The following DHRSX variants were observed in gnomAD, a reference collection of about 807,000 sequenced individuals.
DHRSX encodes the protein polyprenol dehydrogenase.
Under a neutral mutation model 34.0 loss-of-function variants are expected in DHRSX, and 31 were observed. The ratio of observed to expected loss-of-function variants is 0.91; its 90% CI spans 0.69 to 1.23. DHRSX has a LOEUF of 1.23. DHRSX is among the 50% of genes most tolerant of loss of function. The probability of loss-of-function intolerance (pLI) is 0.00; values close to 1 mark genes in which losing one functional copy is unlikely to be tolerated. For missense variants in DHRSX, 414 were observed against 428.1 expected (o/e 0.97, Z 0.29); for synonymous variants, 201 against 183.8 (o/e 1.09, Z -0.76).
At chrX:2,285,633 G>T (rs1443336004) in intron 4 of DHRSX, among the ~76,000 whole-genome samples, 1 of 152,118 alleles carries the variant, frequency 6.6e-6, no homozygotes, top group African/African-American at 2.4e-5. Context: ...TGACCTGGGG[G>T]TTGGACAGCC....
intron 1 of DHRSX, among the ~76,000 whole-genome samples, chrX:2,447,445 G>C (rs1220619552): frequency 6.6e-6 from 1 of 152,166 alleles, no homozygotes; most frequent in East Asian, 1.9e-4. Flanking sequence ...CTTGTACACA[G>C]TAAAGACATT....
At chrX:2,403,175 T>C (rs1346114238) in intron 3 of DHRSX, among the ~76,000 whole-genome samples, 1 of 152,148 alleles carries the variant, frequency 6.6e-6, no homozygotes, top group Non-Finnish European at 1.5e-5. Flanking sequence ...AGCCACCATG[T>C]CCAGCAACTT....
intron 1 of DHRSX, among the ~76,000 whole-genome samples, chrX:2,482,129 CTTT>C (rs1356975147): frequency 1.5e-5 from 2 of 129,820 alleles, no homozygotes; most frequent in Admixed American, 7.8e-5. Context: ...CCACGTCTGG[CTTT>C]TTTTTTTTTT....
intron 3 of DHRSX, among the ~76,000 whole-genome samples, chrX:2,360,625 G>C (rs2042921988): frequency 1.3e-5 from 2 of 151,420 alleles, no homozygotes; most frequent in African/African-American, 4.9e-5. Context: ...CCATTTCTTG[G>C]GTATCAACAT....
intron 3 of DHRSX, among the ~76,000 whole-genome samples, chrX:2,301,248 A>G (rs1361878222): frequency 6.6e-6 from 1 of 152,200 alleles, no homozygotes; most frequent in Non-Finnish European, 1.5e-5. Flanking sequence ...CCCTGTCTCT[A>G]CTAAAAATAT....
At chrX:2,480,997 G>C (rs1396385675) in intron 1 of DHRSX, among the ~76,000 whole-genome samples, 1 of 152,142 alleles carries the variant, frequency 6.6e-6, no homozygotes, top group East Asian at 1.9e-4. Flanking sequence ...ATATAGGTCA[G>C]AGTTAGGATT....
chrX:2,421,445 A>G (rs938977060), intron 2 of DHRSX, among the ~76,000 whole-genome samples: 1 of 152,190 alleles, frequency 6.6e-6, no homozygotes, highest in African/African-American at 2.4e-5. Flanking sequence ...CATGTTTTGC[A>G]AAAGCCAAAA....
intron 3 of DHRSX, among the ~76,000 whole-genome samples, chrX:2,360,332 C>T (rs764826154): frequency 6.6e-6 from 1 of 152,308 alleles, no homozygotes; most frequent in South Asian, 2.1e-4. Context: ...CGCCTGTAAT[C>T]CCAGCACTTT....
intron 1 of DHRSX, among the ~76,000 whole-genome samples, chrX:2,480,100 G>A (rs2044746756): frequency 6.6e-6 from 1 of 152,140 alleles, no homozygotes; most frequent in South Asian, 2.1e-4. Context: ...CAGTTTCCAA[G>A]ATATAGAATC....
chrX:2,431,724 A>C (rs1020875981), intron 1 of DHRSX, among the ~76,000 whole-genome samples: 3 of 152,172 alleles, frequency 2.0e-5, no homozygotes, highest in Non-Finnish European at 2.9e-5. Flanking sequence ...ATGGACATAA[A>C]GATGGGAACA....
At chrX:2,381,328 A>C (rs749235328) in intron 3 of DHRSX, among the ~76,000 whole-genome samples, 1 of 152,300 alleles carries the variant, frequency 6.6e-6, no homozygotes, top group African/African-American at 2.4e-5. Flanking sequence ...ACGTGATGAC[A>C]AGAGTGAGAA....
At chrX:2,488,458 A>T in intron 1 of DHRSX, 1 of 825,666 alleles carries the variant, frequency 1.2e-6, no homozygotes, top group Non-Finnish European at 1.8e-6. Flanking sequence ...TATAGACAGG[A>T]GCCACCGCCC....
chrX:2,297,236 CCTT>C (rs1464025402), intron 3 of DHRSX, among the ~76,000 whole-genome samples: 1 of 152,224 alleles, frequency 6.6e-6, no homozygotes, highest in Non-Finnish European at 1.5e-5. Flanking sequence ...GATTCTCCCT[CCTT>C]AGCCTCCTGA....
intron 4 of DHRSX, among the ~76,000 whole-genome samples, chrX:2,267,679 G>A (rs1424913985): frequency 6.6e-6 from 1 of 152,124 alleles, no homozygotes; most frequent in Non-Finnish European, 1.5e-5. Context: ...AGGTGTGATG[G>A]CTCATACATG....
intron 3 of DHRSX, among the ~76,000 whole-genome samples, chrX:2,310,846 A>C (rs902981736): frequency 2.0e-5 from 3 of 152,002 alleles, no homozygotes; most frequent in African/African-American, 4.8e-5. Flanking sequence ...GGATCGCCTG[A>C]TGTCAGGAGT....
intron 6 of DHRSX, among the ~76,000 whole-genome samples, chrX:2,225,522 T>G (rs1415096815): frequency 6.6e-6 from 1 of 152,180 alleles, no homozygotes; most frequent in Non-Finnish European, 1.5e-5. Context: ...TATTGCAAAA[T>G]ATGAAACCAA....
chrX:2,335,584 G>A (rs1252342824), intron 3 of DHRSX, among the ~76,000 whole-genome samples: 4 of 151,350 alleles, frequency 2.6e-5, no homozygotes, highest in Non-Finnish European at 4.4e-5. Flanking sequence ...CCGAGTAGCC[G>A]GGACTACAGG....
intron 1 of DHRSX, among the ~76,000 whole-genome samples, chrX:2,430,297 C>T (rs953530884): frequency 6.6e-6 from 1 of 150,442 alleles, no homozygotes; most frequent in Admixed American, 6.6e-5. Flanking sequence ...GCAGAATGGA[C>T]CCTTGCTGCA....
intron 4 of DHRSX, among the ~76,000 whole-genome samples, chrX:2,282,757 G>T (rs1427890273): frequency 7.7e-6 from 1 of 129,544 alleles, no homozygotes; most frequent in Non-Finnish European, 1.6e-5. Context: ...AGAGAGAGAA[G>T]AGGGGAGAAA....
Sources: gnomAD v4.1 joint callset for allele counts (sites outside exome capture counted in the v4.1 genomes callset) on GRCh38, gnomAD v4.1.1 for gene constraint, MANE v1.5 for transcripts, NCBI Gene and HGNC (gene_info 2026-07-23, HGNC 2026-07-21) for gene names.